The following DLG2 variants were observed in gnomAD, a reference collection of about 807,000 sequenced individuals.
DLG2 encodes the protein disks large homolog 2.
DLG2 carries 45 observed loss-of-function variants against 132.5 expected under a neutral mutation model. The ratio of observed to expected loss-of-function variants is 0.34; its 90% CI spans 0.27 to 0.44. The LOEUF is 0.44. Ranked by LOEUF, DLG2 falls within the 20% of genes least tolerant of loss-of-function variation. DLG2 has a pLI of 1.00. For synonymous variants in DLG2, 424 were observed against 419.6 expected, an observed-to-expected ratio of 1.01 and a Z score of -0.13; for missense variants, 1,045 against 1,196.9, an observed-to-expected ratio of 0.87 and a Z score of 1.87.
chr11:85,242,132 G>A (rs1331036495), intron 4 of DLG2, among the ~76,000 whole-genome samples: 2 of 151,884 alleles, frequency 1.3e-5, no homozygotes, highest in African/African-American at 4.8e-5. Context: ...TTTAATAGGA[G>A]AATAAATGGA....
In DLG2 at chr11:83,658,670, C is replaced by T. The variant is rs377505760; in HGVS notation, c.1826-25345G>A. Among the ~76,000 whole-genome samples the T allele has an allele frequency of 1.2e-4, 18 of 152,338 alleles. No homozygotes were observed. In the East Asian group the frequency reaches 2.1e-3, roughly 18 times the overall value. On this transcript the variant is annotated intron_variant, in intron 18 of 27. Transcript: ENST00000376104. ...CACAGTCTGCTCTAGTACTTGAAAA[C>T]ACTGCTTGAGCAATGTAACAATGAA...
chr11:83,760,061 C>T (rs773696509), intron 18 of DLG2, among the ~76,000 whole-genome samples: 3 of 152,186 alleles, frequency 2.0e-5, no homozygotes, highest in Non-Finnish European at 4.4e-5. Flanking sequence ...TATTCCCTTA[C>T]ATTAAAATCT....
At chr11:83,974,854 T>C (rs114714464) in intron 12 of DLG2, among the ~76,000 whole-genome samples, 1 of 152,028 alleles carries the variant, frequency 6.6e-6, no homozygotes, top group African/African-American at 2.4e-5. Context: ...CCGCTCGACT[T>C]CAATGTCTCT....
At chr11:84,581,584 C>A (rs1040739607) in intron 6 of DLG2, among the ~76,000 whole-genome samples, 2 of 152,044 alleles carry the variant, frequency 1.3e-5, no homozygotes, top group Non-Finnish European at 2.9e-5. Flanking sequence ...GTCTCTCATG[C>A]AAAATCTATG....
chr11:85,340,513 T>C (rs2082413213), intron 3 of DLG2, among the ~76,000 whole-genome samples: 1 of 152,114 alleles, frequency 6.6e-6, no homozygotes, highest in East Asian at 1.9e-4. Flanking sequence ...GGGGGAGGGA[T>C]AGCATTGGGA....
chr11:83,821,110 C>T (rs748375637), intron 17 of DLG2, among the ~76,000 whole-genome samples: 10 of 152,292 alleles, frequency 6.6e-5, no homozygotes, highest in African/African-American at 1.4e-4. Context: ...GCAGACATAA[C>T]GCTTATGCTT....
At chr11:84,919,028 A>G (rs1328130992) in intron 6 of DLG2, among the ~76,000 whole-genome samples, 1 of 152,148 alleles carries the variant, frequency 6.6e-6, no homozygotes, top group Non-Finnish European at 1.5e-5. Context: ...TGTCATTGTG[A>G]TGGTTATTAT....
chr11:84,712,089 G>A (rs1179739833), intron 6 of DLG2, among the ~76,000 whole-genome samples: 1 of 151,998 alleles, frequency 6.6e-6, no homozygotes, highest in African/African-American at 2.4e-5. Context: ...TAATTCAAAA[G>A]ATACTGGGAA....
At chr11:83,704,783 C>T (rs192364152) in intron 18 of DLG2, among the ~76,000 whole-genome samples, 2,079 of 152,102 alleles carry the variant, frequency 0.014, 49 homozygotes, top group African/African-American at 0.041. Context: ...GCCGAGATCA[C>T]GCCACTGCAC....
chr11:84,439,453 C>T (rs964963599), intron 7 of DLG2, among the ~76,000 whole-genome samples: 2 of 151,706 alleles, frequency 1.3e-5, no homozygotes, highest in Non-Finnish European at 2.9e-5. Context: ...CTTTGACATG[C>T]CTTGCTGCCA....
At chr11:85,516,605 C>T (rs775412178) in intron 3 of DLG2, among the ~76,000 whole-genome samples, 6 of 151,932 alleles carry the variant, frequency 3.9e-5, no homozygotes, top group Non-Finnish European at 7.4e-5. Flanking sequence ...ACAACTGAAA[C>T]CACAGAAATA....
chr11:85,519,036 C>G (rs750620824), intron 3 of DLG2, among the ~76,000 whole-genome samples: 7 of 152,160 alleles, frequency 4.6e-5, no homozygotes, highest in South Asian at 2.1e-4. Context: ...TGGAAACACC[C>G]GGATACCGAG....
At chr11:83,494,437 G>A (rs775041654) in intron 21 of DLG2, among the ~76,000 whole-genome samples, 2 of 150,890 alleles carry the variant, frequency 1.3e-5, no homozygotes, top group African/African-American at 2.4e-5. Flanking sequence ...CTCCTCTGCC[G>A]GGCTCTTAGG....
intron 8 of DLG2, among the ~76,000 whole-genome samples, chr11:84,194,468 T>C (rs577014516): frequency 7.2e-5 from 11 of 152,302 alleles, no homozygotes; most frequent in East Asian, 3.9e-4. Context: ...GGAAGACTTA[T>C]TGCAAACAGT....
At chr11:85,584,178 C>A (rs1456648803) in intron 3 of DLG2, among the ~76,000 whole-genome samples, 1 of 152,036 alleles carries the variant, frequency 6.6e-6, no homozygotes, top group Admixed American at 6.6e-5. Context: ...CCTCTTGATG[C>A]CTCTCCATCC....
chr11:84,653,220 G>T (rs1159010275), intron 6 of DLG2, among the ~76,000 whole-genome samples: 11 of 152,160 alleles, frequency 7.2e-5, no homozygotes, highest in Non-Finnish European at 1.2e-4. Flanking sequence ...GTGAGCCACT[G>T]CACCTTGCCC....
chr11:84,216,440 A>T (rs190825870), intron 8 of DLG2, among the ~76,000 whole-genome samples: 8 of 152,268 alleles, frequency 5.3e-5, no homozygotes, highest in Non-Finnish European at 1.2e-4. Flanking sequence ...TGCCTACTAC[A>T]CTATAATAGG....
chr11:83,948,095 T>A (rs529637019), intron 14 of DLG2, among the ~76,000 whole-genome samples: 3 of 152,336 alleles, frequency 2.0e-5, no homozygotes, highest in Non-Finnish European at 4.4e-5. Context: ...ATCACATTTA[T>A]TTCAGCTATT....
chr11:85,603,326 ATAGT>A (rs1379634044), intron 2 of DLG2, among the ~76,000 whole-genome samples: 2 of 152,182 alleles, frequency 1.3e-5, no homozygotes, highest in African/African-American at 4.8e-5. Flanking sequence ...ACAAATATAA[ATAGT>A]TACTTTACTT....
Sources: allele counts gnomAD v4.1 joint callset (sites outside exome capture counted in the v4.1 genomes callset), GRCh38; gene constraint gnomAD v4.1.1; transcripts MANE v1.5; gene names NCBI Gene and HGNC (gene_info 2026-07-23, HGNC 2026-07-21).